Variants in ATP9B observed in about 807,000 individuals in gnomAD.
The protein encoded by ATP9B is probable phospholipid-transporting ATPase IIB.
A neutral mutation model predicts 146.1 loss-of-function variants in ATP9B; 110 were observed. The observed-to-expected ratio is 0.75, with a 90% CI of 0.65 to 0.88. The LOEUF (loss-of-function observed/expected upper bound fraction) is 0.88. ATP9B is among the 40% of genes least tolerant of loss of function. The pLI is 0.00. For missense variants in ATP9B, 1,499 were observed against 1,496.4 expected, an observed-to-expected ratio of 1.00 and a Z score of -0.03; for synonymous variants, 604 against 569.7, an observed-to-expected ratio of 1.06 and a Z score of -0.86.
intron 13 of ATP9B, among the ~76,000 whole-genome samples, chr18:79,289,028 C>T (rs530901816): frequency 1.6e-3 from 245 of 152,278 alleles, no homozygotes; most frequent in Non-Finnish European, 2.6e-3. Context: ...CCCGACCTTT[C>T]TCTCTGGCTG....
intron 5 of ATP9B, among the ~76,000 whole-genome samples, chr18:79,141,903 C>T (rs1221121067): frequency 2.0e-5 from 3 of 152,156 alleles, no homozygotes; most frequent in African/African-American, 4.8e-5. Flanking sequence ...TGTGTGAAAG[C>T]GGGTAACTTT....
chr18:79,205,002 A>C (rs1010929579), intron 9 of ATP9B, among the ~76,000 whole-genome samples: 5 of 152,166 alleles, frequency 3.3e-5, no homozygotes, highest in South Asian at 2.1e-4. Context: ...CTCAGACGCT[A>C]AGGTCAGTCT....
At position 79,376,212 on chromosome 18, in the gene ATP9B, C is replaced by CAAAAA. The variant is rs1482199493; in HGVS notation, c.3307+787_3307+788insAAAAA. On this transcript the variant is annotated intron_variant, in intron 29 of 29. Transcript: ENST00000426216. ...ACACACACACACACACACACACACA[C>CAAAAA]ACAAAACAAAACAAAAAAATGGCTA... The CAAAAA allele has an allele frequency of 6.3e-5, 53 of 839,708 alleles. No homozygotes were observed. In the African/African-American group the frequency reaches 1.2e-3, roughly 20 times the overall value. The allele number at this position is 839,708 out of a possible 1,614,324, so 52.0% of individuals were successfully genotyped here.
chr18:79,101,498 G>A (rs982909359), intron 2 of ATP9B, among the ~76,000 whole-genome samples: 1 of 152,290 alleles, frequency 6.6e-6, no homozygotes, highest in Non-Finnish European at 1.5e-5. Context: ...GTGTACATTT[G>A]TGTGTGTGGA....
chr18:79,307,471 C>A, intron 15 of ATP9B: 1 of 541,478 alleles, frequency 1.8e-6, no homozygotes, highest in Non-Finnish European at 3.3e-6. Context: ...CCAGAACACC[C>A]AGGGCTGGTC....
chr18:79,098,992 A>G (rs1184588932), intron 2 of ATP9B, among the ~76,000 whole-genome samples: 3 of 152,152 alleles, frequency 2.0e-5, no homozygotes, highest in Non-Finnish European at 4.4e-5. Flanking sequence ...AAGTGATGCT[A>G]TGGCCTTCTC....
At chr18:79,153,197 T>G (rs1370154507) in intron 6 of ATP9B, among the ~76,000 whole-genome samples, 1 of 152,244 alleles carries the variant, frequency 6.6e-6, no homozygotes, top group East Asian at 1.9e-4. Flanking sequence ...AAGTCTTTAC[T>G]TAGGTCTCAA....
intron 13 of ATP9B, among the ~76,000 whole-genome samples, chr18:79,284,431 G>A (rs554787725): frequency 6.6e-6 from 1 of 152,248 alleles, no homozygotes; most frequent in East Asian, 1.9e-4. Flanking sequence ...TTTAGAGAAA[G>A]CCTGATTTGC....
chr18:79,181,237 A>C (rs1413177566), intron 8 of ATP9B, among the ~76,000 whole-genome samples: 1 of 152,044 alleles, frequency 6.6e-6, no homozygotes, highest in Admixed American at 6.5e-5. Flanking sequence ...CCCTGACTCC[A>C]CTTTATCCTC....
At chr18:79,370,236 G>A (rs962724344) in intron 26 of ATP9B, among the ~76,000 whole-genome samples, 4 of 152,138 alleles carry the variant, frequency 2.6e-5, no homozygotes, top group African/African-American at 9.7e-5. Flanking sequence ...TTACTATGCT[G>A]CTGGCATTGT....
chr18:79,242,589 G>A (rs1221320778), intron 11 of ATP9B, among the ~76,000 whole-genome samples: 1 of 152,186 alleles, frequency 6.6e-6, no homozygotes, highest in African/African-American at 2.4e-5. Context: ...TTATTGTAGA[G>A]TGTCAACTTG....
chr18:79,297,759 T>C (rs189602445), intron 13 of ATP9B, among the ~76,000 whole-genome samples: 1 of 112,918 alleles, frequency 8.9e-6, no homozygotes, highest in African/African-American at 3.1e-5. Flanking sequence ...TAGGATTTCA[T>C]GTTTCGCCTT....
intron 8 of ATP9B, among the ~76,000 whole-genome samples, chr18:79,179,666 A>G (rs974353234): frequency 1.3e-5 from 2 of 152,112 alleles, no homozygotes; most frequent in Non-Finnish European, 2.9e-5. Flanking sequence ...ATTCTGTTCT[A>G]TTTCAGTCCT....
At chr18:79,206,728 G>T (rs1252502186) in intron 9 of ATP9B, among the ~76,000 whole-genome samples, 1 of 152,204 alleles carries the variant, frequency 6.6e-6, no homozygotes, top group African/African-American at 2.4e-5. Flanking sequence ...GTTAAGCATT[G>T]CAAGCAATTA....
intron 13 of ATP9B, 137 bp downstream of exon 13, chr18:79,277,333 A>C: frequency 8.9e-7 from 1 of 1,127,244 alleles, no homozygotes; most frequent in Non-Finnish European, 1.2e-6. Flanking sequence ...CCATATTTAG[A>C]ATTTTTCAGC....
chr18:79,198,983 A>T lies in ATP9B; in HGVS notation c.954+5720A>T, dbSNP rs139478992. On this transcript the variant is annotated intron_variant, in intron 9 of 29. Transcript: ENST00000426216. ...TAATTTTTTTTTTTGAGACAGTCTC[A>T]CTCTGTTGCCCAGGATGGAGTGCAG... 1.0e-3 allele frequency among the ~76,000 whole-genome samples: 152 copies of T among 151,632 alleles called. 1 individual carries two copies. The highest frequency in any genetic ancestry group is 3.6e-3 in the African/African-American group (147 of 41,322).
intron 13 of ATP9B, among the ~76,000 whole-genome samples, chr18:79,285,563 A>T (rs1266707901): frequency 6.6e-6 from 1 of 151,894 alleles, no homozygotes; most frequent in Admixed American, 6.6e-5. Flanking sequence ...CCCATTTTGT[A>T]GGTTGCCTGT....
intron 7 of ATP9B, chr18:79,174,176 A>T (rs529521631): frequency 1.4e-5 from 6 of 432,362 alleles, no homozygotes; most frequent in African/African-American, 1.2e-4. Context: ...TAAAGGTTTT[A>T]TTCATTTTCT....
chr18:79,139,556 C>T (rs1213211876), intron 5 of ATP9B, among the ~76,000 whole-genome samples: 1 of 152,112 alleles, frequency 6.6e-6, no homozygotes, highest in Non-Finnish European at 1.5e-5. Flanking sequence ...TTTGTGAGTA[C>T]ATAGTAGGTA....
Sources: allele counts gnomAD v4.1 joint callset (sites outside exome capture counted in the v4.1 genomes callset), GRCh38; gene constraint gnomAD v4.1.1; transcripts MANE v1.5; gene names NCBI Gene and HGNC (gene_info 2026-07-23, HGNC 2026-07-21).